The following DLG2 variants were observed in gnomAD, a reference collection of about 807,000 sequenced individuals.
DLG2 encodes the protein disks large homolog 2.
A neutral mutation model predicts 132.5 loss-of-function variants in DLG2; 45 were observed. That is an observed-to-expected ratio of 0.34 (90% CI 0.27 to 0.44). The LOEUF (loss-of-function observed/expected upper bound fraction) is 0.44. DLG2 is among the 20% of genes least tolerant of loss of function. The pLI is 1.00. For synonymous variants in DLG2, 424 were observed against 419.6 expected (o/e 1.01, Z -0.13); for missense variants, 1,045 against 1,196.9 (o/e 0.87, Z 1.87).
At chr11:84,290,252 C>T (rs886944582) in intron 7 of DLG2, among the ~76,000 whole-genome samples, 1 of 152,102 alleles carries the variant, frequency 6.6e-6, no homozygotes, top group African/African-American at 2.4e-5. Context: ...AATTTTTTCA[C>T]ATAGGCGCCT....
chr11:85,391,526 C>T (rs1470202654), intron 3 of DLG2, among the ~76,000 whole-genome samples: 2 of 151,952 alleles, frequency 1.3e-5, no homozygotes, highest in East Asian at 1.9e-4. Flanking sequence ...AACATAAATG[C>T]AAAAATCCTC....
chr11:83,615,155 C>T (rs2060620556), intron 19 of DLG2, among the ~76,000 whole-genome samples: 1 of 152,142 alleles, frequency 6.6e-6, no homozygotes, highest in Admixed American at 6.5e-5. Context: ...AGAGGGTCTG[C>T]AAGTCTTCAG....
At chr11:84,849,258 TG>T (rs2081893916) in intron 6 of DLG2, among the ~76,000 whole-genome samples, 1 of 152,180 alleles carries the variant, frequency 6.6e-6, no homozygotes. Flanking sequence ...AAATGGTGGT[TG>T]TTTTAAGCAA....
chr11:84,251,620 T>C (rs1316192911), intron 7 of DLG2, among the ~76,000 whole-genome samples: 2 of 148,708 alleles, frequency 1.3e-5, no homozygotes, highest in African/African-American at 2.5e-5. Context: ...GGGTAAGAGT[T>C]AAAACTTGTA....
intron 15 of DLG2, among the ~76,000 whole-genome samples, chr11:83,921,806 A>C (rs1345795460): frequency 6.6e-6 from 1 of 152,208 alleles, no homozygotes; most frequent in Non-Finnish European, 1.5e-5. Flanking sequence ...AAACTAACAG[A>C]AAATATTCAC....
intron 19 of DLG2, among the ~76,000 whole-genome samples, chr11:83,627,364 C>CT (rs2062743812): frequency 6.6e-6 from 1 of 151,782 alleles, no homozygotes; most frequent in Non-Finnish European, 1.5e-5. Context: ...CCCTCTTCCC[C>CT]CACCCCACCC....
At chr11:85,430,495 C>T (rs1210808546) in intron 3 of DLG2, among the ~76,000 whole-genome samples, 1 of 151,888 alleles carries the variant, frequency 6.6e-6, no homozygotes, top group African/African-American at 2.4e-5. Flanking sequence ...ATCTATTGAA[C>T]ATAATATTCT....
intron 6 of DLG2, among the ~76,000 whole-genome samples, chr11:84,663,115 C>A (rs1010097884): frequency 6.6e-6 from 1 of 152,136 alleles, no homozygotes; most frequent in African/African-American, 2.4e-5. Context: ...ACCTTCTTCA[C>A]CATTTTGAAG....
chr11:84,920,951 T>C (rs1391020922), intron 6 of DLG2, among the ~76,000 whole-genome samples: 1 of 152,074 alleles, frequency 6.6e-6, no homozygotes, highest in East Asian at 1.9e-4. Context: ...TCTTAAAGTT[T>C]TGGATAACTG....
chr11:83,810,555 C>T (rs753401459), intron 17 of DLG2, among the ~76,000 whole-genome samples: 7 of 152,002 alleles, frequency 4.6e-5, no homozygotes, highest in Admixed American at 2.0e-4. Context: ...TACTTTAGTT[C>T]CTTTGTTTAT....
intron 11 of DLG2, among the ~76,000 whole-genome samples, chr11:84,020,590 G>A (rs1482097541): frequency 6.6e-6 from 1 of 152,198 alleles, no homozygotes; most frequent in Non-Finnish European, 1.5e-5. Context: ...GTCAAGGACA[G>A]ACACACAGGA....
chr11:83,863,082 G>T (rs763792536), intron 16 of DLG2, among the ~76,000 whole-genome samples: 6 of 152,190 alleles, frequency 3.9e-5, no homozygotes, highest in Non-Finnish European at 7.3e-5. Context: ...CATTGTGTAT[G>T]TAACAGTGTC....
At chr11:85,506,078 T>C (rs1216866869) in intron 3 of DLG2, among the ~76,000 whole-genome samples, 1 of 152,192 alleles carries the variant, frequency 6.6e-6, no homozygotes, top group Non-Finnish European at 1.5e-5. Flanking sequence ...CCCTTTATCA[T>C]TTTTTATTGT....
chr11:84,248,806 G>A lies in DLG2; in HGVS notation c.573+2432C>T, dbSNP rs191533124. Among the ~76,000 whole-genome samples the A allele has an allele frequency of 2.8e-3, 434 of 152,344 alleles. 2 individuals are homozygous for A. The highest frequency in any genetic ancestry group is 4.7e-3 in the Non-Finnish European group (323 of 68,032). On this transcript the variant is annotated intron_variant, in intron 8 of 27. Transcript: ENST00000376104. ...CACTTGAACCTGGGAGGCAGAGGTT[G>A]CAGTGAGCCAAGATCAGGCTCCAGC...
intron 6 of DLG2, among the ~76,000 whole-genome samples, chr11:84,984,121 T>C (rs960679748): frequency 5.9e-5 from 9 of 152,218 alleles, no homozygotes; most frequent in African/African-American, 2.2e-4. Context: ...CTGGCCTTGC[T>C]AGAGACCTAG....
chr11:83,831,831 T>G lies in DLG2; in HGVS notation c.1722+1783A>C, dbSNP rs1183022406. On this transcript the variant is annotated intron_variant, in intron 17 of 27. Transcript: ENST00000376104. ...AGGAACACTCACAATGGATTTACCC[T>G]ATCATACTAAGGAGGAAGCTTGACA... 8.9e-4 allele frequency among the ~76,000 whole-genome samples: 136 copies of G among 152,200 alleles called. 2 individuals are homozygous for G. Among genetic ancestry groups the G allele is most frequent in the Admixed American group, 8.9e-3 (136 of 15,274 alleles).
At chr11:85,295,008 A>G (rs1286526143) in intron 3 of DLG2, among the ~76,000 whole-genome samples, 1 of 152,180 alleles carries the variant, frequency 6.6e-6, no homozygotes, top group Non-Finnish European at 1.5e-5. Flanking sequence ...CAAGTTGCTC[A>G]AAAAGCAGGC....
chr11:85,432,556 C>A (rs2091252466), intron 3 of DLG2, among the ~76,000 whole-genome samples: 1 of 151,278 alleles, frequency 6.6e-6, no homozygotes, highest in African/African-American at 2.4e-5. Flanking sequence ...GTATCAGTAG[C>A]CAAATTGATC....
chr11:83,842,736 A>C (rs562741665), intron 16 of DLG2, among the ~76,000 whole-genome samples: 18 of 150,958 alleles, frequency 1.2e-4, no homozygotes, highest in African/African-American at 4.1e-4. Flanking sequence ...GAATGGCGTG[A>C]ACCTGGGAGG....
Sources: gnomAD v4.1 joint callset for allele counts (sites outside exome capture counted in the v4.1 genomes callset) on GRCh38, gnomAD v4.1.1 for gene constraint, MANE v1.5 for transcripts, NCBI Gene and HGNC (gene_info 2026-07-23, HGNC 2026-07-21) for gene names.